Variants in C15orf40 observed in about 807,000 individuals in gnomAD.
The protein encoded by C15orf40 is UPF0235 protein C15orf40.
C15orf40 carries 9 observed loss-of-function variants against 13.9 expected under a neutral mutation model. The observed-to-expected ratio is 0.65, with a 90% CI of 0.39 to 1.13. C15orf40 has a LOEUF of 1.13. Among genes scored for constraint, C15orf40 ranks in the 50% most tolerant of loss-of-function variants. The pLI is 0.01. For missense variants in C15orf40, 225 were observed against 188.5 expected (o/e 1.19, Z -1.13); for synonymous variants, 95 against 69.2 (o/e 1.37, Z -1.85).
At chr15:83,009,525 T>C (rs1383554394) in intron 2 of C15orf40, among the ~76,000 whole-genome samples, 1 of 152,226 alleles carries the variant, frequency 6.6e-6, no homozygotes, top group Non-Finnish European at 1.5e-5. Context: ...TACAGAGCTT[T>C]AGAGGTGAAA....
chr15:83,009,585 T>A (rs1361486365), intron 2 of C15orf40, among the ~76,000 whole-genome samples: 1 of 152,236 alleles, frequency 6.6e-6, no homozygotes, highest in Admixed American at 6.5e-5. Flanking sequence ...TTTTTTCCTT[T>A]AGAATCCCTT....
Position 83,001,313 on chromosome 15 carries a change from A to G in C15orf40, c.*4284T>C, listed in dbSNP as rs766734594. The stretch of plus-strand genomic sequence containing the variant: ...GCAAACCACCTAGCAGTGTCTGTCA[A>G]GTAAGCAACCAAGTTAATAAGTGAT... On this transcript the variant is annotated 3_prime_UTR_variant, in exon 4 of 4. Coordinates refer to ENST00000304177, the MANE Select transcript of C15orf40 (RefSeq NM_144597.3). The G allele has an allele frequency of 3.7e-5, 36 of 985,200 alleles. No homozygotes were observed. The highest frequency in any genetic ancestry group is 4.3e-5 in the Non-Finnish European group (36 of 829,786). 61.0% of individuals were successfully genotyped at this position (985,200 alleles called of 1,614,324 possible).
rs2031279713 is a variant in C15orf40 at position 82,998,970 on chromosome 15, AC to A, written c.*6626del. On this transcript the variant is annotated 3_prime_UTR_variant, in exon 4 of 4. Coordinates refer to ENST00000304177, the MANE Select transcript of C15orf40 (RefSeq NM_144597.3). The stretch of plus-strand genomic sequence containing the variant: ...GATCACTCGTGGTTAGGGGCTGGAG[AC>A]CGGCCCGGCCAACACAGCGAAACCC... The A allele has an allele frequency of 6.3e-6, 1 of 157,880 alleles. No homozygotes were observed. The highest frequency in any genetic ancestry group is 1.4e-5 in the Non-Finnish European group (1 of 72,542). The allele number at this position is 157,880 out of a possible 1,614,324, so 9.8% of individuals were successfully genotyped here.
At chr15:82,992,110 G>A, downstream of C15orf40, 1 of 378,604 alleles carries the variant, frequency 2.6e-6, no homozygotes, top group East Asian at 7.2e-5. Flanking sequence ...TAGCTACTCA[G>A]GAGGCTGAGG....
At position 83,002,502 on chromosome 15, in the gene C15orf40, C is replaced by T. The variant is rs1040496145; in HGVS notation, c.*3095G>A. ...AGGATGGGCCTTAATTGGCCTGAAACAATTAGGGTAATTCTTTCTTCTATA... is the reference window on the plus strand; with the variant it reads ...AGGATGGGCCTTAATTGGCCTGAAATAATTAGGGTAATTCTTTCTTCTATA... On this transcript the variant is annotated 3_prime_UTR_variant, in exon 4 of 4. Transcript: ENST00000304177. 4 of 152,180 alleles carry T rather than the reference C, an allele frequency of 2.6e-5. No individual in the cohort carries two copies. The highest frequency in any genetic ancestry group is 5.9e-5 in the Non-Finnish European group (4 of 68,032). 9.4% of individuals were successfully genotyped at this position (152,180 alleles called of 1,614,324 possible).
In C15orf40 at chr15:83,004,858, T is replaced by G; in HGVS notation, c.*739A>C. 1.5e-6 allele frequency: 2 copies of G among 1,302,682 alleles called. No homozygotes were observed. Among genetic ancestry groups the G allele is most frequent in the South Asian group, 2.5e-5 (2 of 80,556 alleles). 80.7% of individuals were successfully genotyped at this position (1,302,682 alleles called of 1,614,324 possible). A position where few individuals can be genotyped will look rare whatever the true frequency, so the allele number is the denominator to read the frequency against. ...AATCCCCAGAATTCCAGAACCGTTG[T>G]GGAGATATGATTTTTAATTTACAAT... is the stretch of plus-strand genomic sequence containing the variant. On this transcript the variant is annotated 3_prime_UTR_variant, in exon 4 of 4. Coordinates refer to ENST00000304177, the MANE Select transcript of C15orf40 (RefSeq NM_144597.3).
rs2031325509 is a variant in C15orf40, at chr15:82,999,577, A to C, written c.*6020T>G. 6.6e-6 allele frequency: 1 copy of C among 152,136 alleles called. No individual in the cohort carries two copies. The highest frequency in any genetic ancestry group is 1.5e-5 in the Non-Finnish European group (1 of 68,034). 9.4% of individuals were successfully genotyped at this position (152,136 alleles called of 1,614,324 possible). On this transcript the variant is annotated 3_prime_UTR_variant, in exon 4 of 4. Coordinates refer to ENST00000304177, the MANE Select transcript of C15orf40 (RefSeq NM_144597.3). ...TGGTGTGAGCAGCTATCACGTGTAC[A>C]TGCCACCCAGTACGGCTGTAGAAGA...
At position 83,005,047 on chromosome 15, in the gene C15orf40, G is replaced by A. The variant is rs1325113815; in HGVS notation, c.*550C>T. ...CAGGTCATCTTGAATATTCTTCCCA[G>A]CTCTGTTATTTTACAACGCCATGAA... is the stretch of plus-strand genomic sequence containing the variant. On this transcript the variant is annotated 3_prime_UTR_variant, in exon 4 of 4. Coordinates refer to ENST00000304177, the MANE Select transcript of C15orf40 (RefSeq NM_144597.3). 8.2e-7 allele frequency: 1 copy of A among 1,213,052 alleles called. No homozygotes were observed. The highest frequency in any genetic ancestry group is 1.1e-6 in the Non-Finnish European group (1 of 937,228). 75.1% of individuals were successfully genotyped at this position (1,213,052 alleles called of 1,614,324 possible).
At position 83,000,556 on chromosome 15, in the gene C15orf40, C is replaced by T. The variant is rs564012918; in HGVS notation, c.*5041G>A. The T allele has an allele frequency of 6.6e-6, 1 of 152,326 alleles. No individual in the cohort carries two copies. Among genetic ancestry groups the T allele is most frequent in the South Asian group, 2.1e-4 (1 of 4,822 alleles). The allele number at this position is 152,326 out of a possible 1,614,324, so 9.4% of individuals were successfully genotyped here. On this transcript the variant is annotated 3_prime_UTR_variant, in exon 4 of 4. Coordinates refer to ENST00000304177, the MANE Select transcript of C15orf40 (RefSeq NM_144597.3). ...GACTACCTAATAGTGCTGTTCACTA[C>T]AAAAGGAAACGAGTTTCAGTTTGTG...
intron 2 of C15orf40, among the ~76,000 whole-genome samples, chr15:83,009,875 A>G: frequency 6.6e-6 from 1 of 152,242 alleles, no homozygotes; most frequent in Admixed American, 6.5e-5. Flanking sequence ...TCCTTAGGCC[A>G]GTGATCATTA....
chr15:82,989,281 T>A, downstream of C15orf40: 2 of 1,334,948 alleles, frequency 1.5e-6, no homozygotes, highest in South Asian at 2.9e-5. Flanking sequence ...CAGGGACCAG[T>A]GTTTTTGGTA....
chr15:83,008,680 A>C lies in C15orf40; in HGVS notation c.239-5T>G, dbSNP rs746428504. On this transcript the variant is annotated splice_region_variant and splice_polypyrimidine_tract_variant and intron_variant, in intron 2 of 3. Coordinates refer to ENST00000304177, the MANE Select transcript of C15orf40 (RefSeq NM_144597.3). ...TTACAGCCTCTGCTGTCAAATCTGGAATGAAAATAGTGTGGACTTTATCCT... is the reference window on the plus strand; with the variant it reads ...TTACAGCCTCTGCTGTCAAATCTGGCATGAAAATAGTGTGGACTTTATCCT... 8.8e-6 allele frequency: 14 copies of C among 1,599,722 alleles called. No homozygotes were observed. The highest frequency in any genetic ancestry group is 1.4e-5 in the African/African-American group (1 of 73,948).
rs1165433755 is a variant in C15orf40, at chr15:82,997,857, G to A, written c.*7740C>T. ...GCTGACCCCCCCCCACCTCCCTCCC[G>A]GACGGGGCGGCTGGCCGGGCAGAGG... On this transcript the variant is annotated 3_prime_UTR_variant, in exon 4 of 4. Coordinates refer to ENST00000304177, the MANE Select transcript of C15orf40 (RefSeq NM_144597.3). 1 of 109,760 alleles carries A rather than the reference G, an allele frequency of 9.1e-6. No individual in the cohort carries two copies. The highest frequency in any genetic ancestry group is 3.7e-5 in the African/African-American group (1 of 26,694). 6.8% of individuals were successfully genotyped at this position (109,760 alleles called of 1,614,324 possible).
rs1309758185 is a variant in C15orf40, at chr15:83,001,134, C to T, written c.*4463G>A. On this transcript the variant is annotated 3_prime_UTR_variant, in exon 4 of 4. Coordinates refer to ENST00000304177, the MANE Select transcript of C15orf40 (RefSeq NM_144597.3). The stretch of plus-strand genomic sequence containing the variant: ...GCCTAGGTGTGCACTGCAAAGGTTC[C>T]ACCTTCATCCTCTGGTTATTGCTGT... 2 of 985,374 alleles carry T rather than the reference C, an allele frequency of 2.0e-6. No individual in the cohort carries two copies. Among genetic ancestry groups the T allele is most frequent in the African/African-American group, 3.5e-5 (2 of 57,244 alleles). 61.0% of individuals were successfully genotyped at this position (985,374 alleles called of 1,614,324 possible).
rs1336902325 is a variant in C15orf40 at position 83,005,608 on chromosome 15, T to C, written c.451A>G (p.Lys151Glu). The C allele has an allele frequency of 6.2e-7, 1 of 1,610,728 alleles. No individual in the cohort carries two copies. The highest frequency in any genetic ancestry group is 8.5e-7 in the Non-Finnish European group (1 of 1,178,678). ...CTCATTTCTTGCTTTTATGTTTTTTTGGCTTCCTTTTTTAATTTCTCCAAG... is the reference window on the plus strand; with the variant it reads ...CTCATTTCTTGCTTTTATGTTTTTTCGGCTTCCTTTTTTAATTTCTCCAAG... Reference protein sequence around the residue: ...EILEKLKKEAKKT With the variant: ...EILEKLKKEAEKT The change falls in exon 4 of 4, where the codon AAA (lysine) becomes GAA (glutamate). Residue 151 changes from lysine (K) to glutamate (E), a missense_variant. Transcript: ENST00000304177.
intron 3 of C15orf40, chr15:83,006,570 G>A: frequency 1.7e-6 from 1 of 592,538 alleles, no homozygotes; most frequent in Non-Finnish European, 2.1e-6. Flanking sequence ...GACCAGCCTG[G>A]CCAATGTGGC....
downstream of C15orf40, among the ~76,000 whole-genome samples, chr15:82,992,303 G>A (rs548127594): frequency 3.7e-4 from 56 of 152,252 alleles, no homozygotes; most frequent in African/African-American, 1.3e-3. Context: ...ATCACCCCAG[G>A]TGAGGAGTTC....
At chr15:82,989,280 G>C, downstream of C15orf40, 2 of 1,333,460 alleles carry the variant, frequency 1.5e-6, no homozygotes, top group South Asian at 3.0e-5. Context: ...GCAGGGACCA[G>C]TGTTTTTGGT....
chr15:82,989,029 C>G, downstream of C15orf40: 1 of 1,608,402 alleles, frequency 6.2e-7, no homozygotes, highest in Non-Finnish European at 8.5e-7. Context: ...ATGACTGACA[C>G]TGCCGAAGCT....
Sources: gnomAD v4.1 joint callset for allele counts (sites outside exome capture counted in the v4.1 genomes callset) on GRCh38, gnomAD v4.1.1 for gene constraint, MANE v1.5 for transcripts, NCBI Gene and HGNC (gene_info 2026-07-23, HGNC 2026-07-21) for gene names.